PPARGC1A: variants seen among roughly 807,000 people sequenced by gnomAD.
PPARGC1A encodes the protein PPARG coactivator 1 alpha.
Under a neutral mutation model 88.7 loss-of-function variants are expected in PPARGC1A, and 25 were observed. That is an observed-to-expected ratio of 0.28 (90% CI 0.21 to 0.39). PPARGC1A has a LOEUF of 0.39. PPARGC1A is among the 10% of genes least tolerant of loss of function. PPARGC1A has a pLI of 1.00. For missense variants in PPARGC1A, 880 were observed against 968.7 expected (o/e 0.91, Z 1.22); for synonymous variants, 363 against 355.6 (o/e 1.02, Z -0.24).
the PPARGC1A span, among the ~76,000 whole-genome samples, chr4:24,260,091 GT>G: frequency 6.6e-6 from 1 of 152,146 alleles, no homozygotes; most frequent in Non-Finnish European, 1.5e-5. Flanking sequence ...CAGAAACTAG[GT>G]GATAGGCCAA....
chr4:24,253,369 G>A, the PPARGC1A span, among the ~76,000 whole-genome samples: 18 of 152,206 alleles, frequency 1.2e-4, no homozygotes, highest in Non-Finnish European at 1.0e-4. Context: ...ATGTTGTATC[G>A]AGGTTACAAC....
At chr4:24,226,118 G>A in the PPARGC1A span, among the ~76,000 whole-genome samples, 1 of 152,142 alleles carries the variant, frequency 6.6e-6, no homozygotes, top group African/African-American at 2.4e-5. Flanking sequence ...GCTAAACTAA[G>A]AACATGTGTC....
the PPARGC1A span, among the ~76,000 whole-genome samples, chr4:24,041,999 T>G: frequency 2.0e-5 from 3 of 152,100 alleles, no homozygotes; most frequent in Non-Finnish European, 4.4e-5. Flanking sequence ...TTTACTTCTT[T>G]CCGTATTTCT....
At chr4:24,160,865 C>A in the PPARGC1A span, among the ~76,000 whole-genome samples, 6 of 152,120 alleles carry the variant, frequency 3.9e-5, no homozygotes, top group Admixed American at 2.6e-4. Flanking sequence ...ACCTACTGAA[C>A]AAAACACTCA....
At chr4:24,346,880 C>T in the PPARGC1A span, among the ~76,000 whole-genome samples, 1 of 152,036 alleles carries the variant, frequency 6.6e-6, no homozygotes, top group African/African-American at 2.4e-5. Context: ...TGCTTGTGCT[C>T]TTTCAGACTT....
chr4:23,819,964 T>C (rs1207472461), intron 7 of PPARGC1A, among the ~76,000 whole-genome samples: 1 of 152,186 alleles, frequency 6.6e-6, no homozygotes, highest in African/African-American at 2.4e-5. Flanking sequence ...ACAAGGAGTA[T>C]GTATGCCAAA....
the PPARGC1A span, among the ~76,000 whole-genome samples, chr4:24,129,396 C>T: frequency 6.6e-6 from 1 of 152,150 alleles, no homozygotes. Context: ...TACATGTTGT[C>T]ACCTAGCAAA....
chr4:23,937,589 T>G, the PPARGC1A span, among the ~76,000 whole-genome samples: 1 of 151,998 alleles, frequency 6.6e-6, no homozygotes, highest in Non-Finnish European at 1.5e-5. Context: ...CCTTTCAACA[T>G]TTTTTTTCCT....
the PPARGC1A span, among the ~76,000 whole-genome samples, chr4:23,912,865 T>C: frequency 2.0e-5 from 3 of 151,510 alleles, no homozygotes; most frequent in African/African-American, 7.3e-5. Flanking sequence ...CTCTGCTCAC[T>C]ACAAACTCCG....
At chr4:23,931,849 C>G in the PPARGC1A span, among the ~76,000 whole-genome samples, 1 of 152,120 alleles carries the variant, frequency 6.6e-6, no homozygotes, top group African/African-American at 2.4e-5. Context: ...GTCAGAGATA[C>G]CCAGATCCAA....
chr4:23,875,908 C>A (rs529121395), intron 2 of PPARGC1A: 5 of 152,330 alleles, frequency 3.3e-5, no homozygotes, highest in African/African-American at 9.6e-5. Context: ...GCCTCTCAGG[C>A]AAGCAGCTCT....
intron 2 of PPARGC1A, among the ~76,000 whole-genome samples, chr4:23,854,222 G>A (rs1340758059): frequency 6.6e-6 from 1 of 152,192 alleles, no homozygotes; most frequent in Non-Finnish European, 1.5e-5. Flanking sequence ...GTTCTGAGAA[G>A]AGAGAATCAT....
At chr4:24,191,702 T>G in the PPARGC1A span, among the ~76,000 whole-genome samples, 2 of 152,188 alleles carry the variant, frequency 1.3e-5, no homozygotes, top group Non-Finnish European at 2.9e-5. Context: ...AAAAGTAATT[T>G]CATCTCGCAG....
chr4:24,210,207 T>C, the PPARGC1A span, among the ~76,000 whole-genome samples: 2 of 152,208 alleles, frequency 1.3e-5, no homozygotes, highest in South Asian at 4.1e-4. Flanking sequence ...CCACCTACTT[T>C]ACAAAGTTGG....
At chr4:24,245,174 G>C in the PPARGC1A span, among the ~76,000 whole-genome samples, 2 of 152,202 alleles carry the variant, frequency 1.3e-5, no homozygotes, top group South Asian at 4.1e-4. Flanking sequence ...GCAATGTGCT[G>C]GGTAAATGCT....
chr4:24,052,620 G>T, the PPARGC1A span, among the ~76,000 whole-genome samples: 1 of 145,540 alleles, frequency 6.9e-6, no homozygotes, highest in East Asian at 2.0e-4. Context: ...CTGGGCGACA[G>T]AGTGAGATTA....
At chr4:24,153,265 CCAAA>C in the PPARGC1A span, among the ~76,000 whole-genome samples, 1 of 152,046 alleles carries the variant, frequency 6.6e-6, no homozygotes, top group Non-Finnish European at 1.5e-5. Context: ...TGAATTTGCA[CCAAA>C]CACTGACAAT....
chr4:24,331,564 T>C, the PPARGC1A span, among the ~76,000 whole-genome samples: 67 of 152,280 alleles, frequency 4.4e-4, no homozygotes, highest in Admixed American at 2.2e-3. Context: ...TAGTAACATC[T>C]CAAAAAATAT....
the PPARGC1A span, among the ~76,000 whole-genome samples, chr4:24,122,492 A>G: frequency 6.6e-6 from 1 of 150,890 alleles, no homozygotes; most frequent in Non-Finnish European, 1.5e-5. Context: ...CTCTTAGTAA[A>G]CTTTTCTGCA....
Sources: allele counts gnomAD v4.1 joint callset (sites outside exome capture counted in the v4.1 genomes callset), GRCh38; gene constraint gnomAD v4.1.1; transcripts MANE v1.5; gene names NCBI Gene and HGNC (gene_info 2026-07-23, HGNC 2026-07-21).